Variants in ZNF778 observed in about 807,000 individuals in gnomAD.
ZNF778 encodes zinc finger protein 778.
A neutral mutation model predicts 23.9 loss-of-function variants in ZNF778; 37 were observed. That is an observed-to-expected ratio of 1.54 (90% confidence interval 1.19 to 2.03). The LOEUF is 2.03. ZNF778 is among the 30% of genes most tolerant of loss of function. ZNF778 has a pLI of 0.00. For synonymous variants in ZNF778, 483 were observed against 343.9 expected, an observed-to-expected ratio of 1.40 and a Z score of -4.48; for missense variants, 1,297 against 934.4, an observed-to-expected ratio of 1.39 and a Z score of -5.06.
chr16:89,220,154 A>G (rs13332037), intron 1 of ZNF778, among the ~76,000 whole-genome samples: 15,798 of 152,244 alleles, frequency 0.1, 1,133 homozygotes, highest in African/African-American at 0.2. Flanking sequence ...AGGTGACAAC[A>G]AAGTCAACAC....
chr16:89,227,449 C>G lies in ZNF778; in HGVS notation c.1161C>G (p.His387Gln), dbSNP rs1438963288. Residue 387 changes from histidine (H) to glutamine (Q), a missense_variant, in exon 7 of 7, where the codon CAC (histidine) becomes CAG (glutamine). Coordinates refer to ENST00000433976, the MANE Select transcript of ZNF778 (RefSeq NM_001201407.2). ...FYLLNEHGKT[H>Q]TREKPFACVV... ...TACTGAATGAGCATGGAAAAACTCA[C>G]ACGAGGGAGAAGCCCTTTGCATGTG... 6.2e-7 allele frequency: 1 copy of G among 1,613,902 alleles called. No individual in the cohort carries two copies. The highest frequency in any genetic ancestry group is 1.1e-5 in the South Asian group (1 of 91,078).
At chr16:89,225,367 C>G (rs2031380248) in intron 5 of ZNF778, among the ~76,000 whole-genome samples, 188 bp from the exon 6 acceptor site, 1 of 152,040 alleles carries the variant, frequency 6.6e-6, no homozygotes, top group Non-Finnish European at 1.5e-5. Flanking sequence ...CCTCACATTT[C>G]TTCTTTATGG....
At chr16:89,226,625 C>A in intron 6 of ZNF778, 69 bp from the exon 7 acceptor site, 1 of 1,385,462 alleles carries the variant, frequency 7.2e-7, no homozygotes, top group Non-Finnish European at 9.9e-7. Context: ...CATGCTCTGT[C>A]TTCAGCTGGG....
rs1567514238 is a variant in ZNF778 at position 89,232,783 on chromosome 16, G to C, written c.*4221G>C. On this transcript the variant is annotated 3_prime_UTR_variant, in exon 7 of 7. Coordinates refer to ENST00000433976, the MANE Select transcript of ZNF778 (RefSeq NM_001201407.2). ...CACTGCATATACAAATCAACTCACT[G>C]CATATGCACATCAACTCACTGCATA... 1 of 1,274,236 alleles carries C rather than the reference G, an allele frequency of 7.8e-7. No homozygotes were observed. The highest frequency in any genetic ancestry group is 1.2e-5 in the South Asian group (1 of 80,992). The allele number at this position is 1,274,236 out of a possible 1,614,324, so 78.9% of individuals were successfully genotyped here.
intron 3 of ZNF778, among the ~76,000 whole-genome samples, chr16:89,222,619 C>T (rs1437598239): frequency 6.6e-6 from 1 of 152,224 alleles, no homozygotes; most frequent in African/African-American, 2.4e-5. Context: ...CCGCTTTGGC[C>T]TCCCAAAGGG....
rs2032198839 is a variant in ZNF778 at position 89,235,038 on chromosome 16, C to T, written c.*6476C>T. Reference sequence around the variant, plus strand: ...ATATGCTGTACTATTTTGGCTTCCACAGTTTCTATGTTTTATCCCAAGTTG... The same window carrying T: ...ATATGCTGTACTATTTTGGCTTCCATAGTTTCTATGTTTTATCCCAAGTTG... On this transcript the variant is annotated 3_prime_UTR_variant, in exon 7 of 7. Coordinates refer to ENST00000433976, the MANE Select transcript of ZNF778 (RefSeq NM_001201407.2). The T allele has an allele frequency of 1.3e-5, 2 of 152,170 alleles. No homozygotes were observed. The highest frequency in any genetic ancestry group is 6.5e-5 in the Admixed American group (1 of 15,278). The allele number at this position is 152,170 out of a possible 1,614,324, so 9.4% of individuals were successfully genotyped here. A position where few individuals can be genotyped will look rare whatever the true frequency, so the allele number is the denominator to read the frequency against.
chr16:89,226,655 T>C, intron 6 of ZNF778, 39 bp from the exon 7 acceptor site: 3 of 1,544,890 alleles, frequency 1.9e-6, no homozygotes, highest in Non-Finnish European at 2.6e-6. Context: ...TGAATCAGCC[T>C]CAGTAACCCC....
In ZNF778 at chr16:89,228,300, A is replaced by C. The variant is rs780078991; in HGVS notation, c.2012A>C (p.Lys671Thr). 6.2e-7 allele frequency: 1 copy of C among 1,606,046 alleles called. No homozygotes were observed. The highest frequency in any genetic ancestry group is 1.1e-5 in the South Asian group (1 of 90,628). ...IEHRRTHTGEKPYICNECGKA... is the reference protein window; with the variant it reads ...IEHRRTHTGETPYICNECGKA... The stretch of plus-strand genomic sequence containing the variant: ...CACAGAAGGACTCACACAGGAGAGA[A>C]ACCTTACATATGTAACGAGTGTGGG... Residue 671 changes from lysine (K) to threonine (T), a missense_variant, in exon 7 of 7, where the codon AAA becomes ACA. Transcript: ENST00000433976.
At chr16:89,222,333 G>T (rs779599306) in intron 3 of ZNF778, 150 bp downstream of exon 3, 7 of 476,832 alleles carry the variant, frequency 1.5e-5, no homozygotes, top group South Asian at 4.7e-5. Context: ...GGCTGGTCAG[G>T]TGTTACTGTG....
chr16:89,222,353 C>T (rs1301269323), intron 3 of ZNF778, among the ~76,000 whole-genome samples, 170 bp downstream of exon 3: 1 of 152,138 alleles, frequency 6.6e-6, no homozygotes, highest in Non-Finnish European at 1.5e-5. Context: ...GAAAATCCTC[C>T]CCGTATTTCA....
Position 89,229,098 on chromosome 16 carries a change from G to A in ZNF778, c.*536G>A, listed in dbSNP as rs1298535228. Reference sequence around the variant, plus strand: ...TGATGCTGCACTGATCATTCTTGGAGTGAGGACTCTGTTCCCTGTAGAAAT... The same window carrying A: ...TGATGCTGCACTGATCATTCTTGGAATGAGGACTCTGTTCCCTGTAGAAAT... On this transcript the variant is annotated 3_prime_UTR_variant, in exon 7 of 7. Coordinates refer to ENST00000433976, the MANE Select transcript of ZNF778 (RefSeq NM_001201407.2). 1 of 986,532 alleles carries A rather than the reference G, an allele frequency of 1.0e-6. No homozygotes were observed. Among genetic ancestry groups the A allele is most frequent in the Non-Finnish European group, 1.2e-6 (1 of 830,736 alleles). 61.1% of individuals were successfully genotyped at this position (986,532 alleles called of 1,614,324 possible). A position where few individuals can be genotyped will look rare whatever the true frequency, so the allele number is the denominator to read the frequency against.
At position 89,232,508 on chromosome 16, in the gene ZNF778, T is replaced by G; in HGVS notation, c.*3946T>G. The G allele has an allele frequency of 3.1e-6, 2 of 637,104 alleles. No individual in the cohort carries two copies. Among genetic ancestry groups the G allele is most frequent in the Non-Finnish European group, 4.5e-6 (2 of 441,414 alleles). 39.5% of individuals were successfully genotyped at this position (637,104 alleles called of 1,614,324 possible). A position where few individuals can be genotyped will look rare whatever the true frequency, so the allele number is the denominator to read the frequency against. The stretch of plus-strand genomic sequence containing the variant: ...CTGGTTAGGCAGATACCTGTATTTC[T>G]CTTCCTAACTCTCAGAACGTGTTCT... On this transcript the variant is annotated 3_prime_UTR_variant, in exon 7 of 7. Transcript: ENST00000433976.
At position 89,233,842 on chromosome 16, in the gene ZNF778, G is replaced by C; in HGVS notation, c.*5280G>C. The C allele has an allele frequency of 1.6e-6, 2 of 1,289,964 alleles. No homozygotes were observed. Among genetic ancestry groups the C allele is most frequent in the Non-Finnish European group, 2.0e-6 (2 of 989,482 alleles). The allele number at this position is 1,289,964 out of a possible 1,614,324, so 79.9% of individuals were successfully genotyped here. A position where few individuals can be genotyped will look rare whatever the true frequency, so the allele number is the denominator to read the frequency against. On this transcript the variant is annotated 3_prime_UTR_variant, in exon 7 of 7. Coordinates refer to ENST00000433976, the MANE Select transcript of ZNF778 (RefSeq NM_001201407.2). ...TCAACTGTTGCAAGTACTTATTTCC[G>C]GCCACTTCCTTTTTCTAACTACCAC...
chr16:89,220,379 G>A (rs771062467), intron 1 of ZNF778, among the ~76,000 whole-genome samples: 6 of 152,218 alleles, frequency 3.9e-5, no homozygotes, highest in Middle Eastern at 3.4e-3. Flanking sequence ...AGACCGGGGC[G>A]GGGCACGGTG....
In ZNF778 at chr16:89,234,987, A is replaced by G. The variant is rs1439036582; in HGVS notation, c.*6425A>G. On this transcript the variant is annotated 3_prime_UTR_variant, in exon 7 of 7. Transcript: ENST00000433976. ...ACAACCTTTCCTTTATCTTCATCAG[A>G]AATTTCTTTTCTCCTAAGGCCTTAA... The G allele has an allele frequency of 6.6e-6, 1 of 152,152 alleles. No individual in the cohort carries two copies. Among genetic ancestry groups the G allele is most frequent in the African/African-American group, 2.4e-5 (1 of 41,426 alleles). 9.4% of individuals were successfully genotyped at this position (152,152 alleles called of 1,614,324 possible).
chr16:89,222,263 T>C (rs569936224), intron 3 of ZNF778, 80 bp downstream of exon 3: 1 of 1,121,386 alleles, frequency 8.9e-7, no homozygotes, highest in Non-Finnish European at 1.3e-6. Flanking sequence ...AGCAGACTTG[T>C]CTGCACAGCC....
In ZNF778 at chr16:89,229,151, C is replaced by T. The variant is rs78867772; in HGVS notation, c.*589C>T. 0.01 allele frequency: 10,330 copies of T among 986,014 alleles called. 302 individuals carry two copies. In the East Asian group the frequency reaches 0.21, roughly 20 times the overall value. 61.1% of individuals were successfully genotyped at this position (986,014 alleles called of 1,614,324 possible). ...TCCAGTCTGGTTGCTACAGTGTCCA[C>T]GTCGCAGCCTGGCTAACAGTAGGCC... On this transcript the variant is annotated 3_prime_UTR_variant, in exon 7 of 7. Transcript: ENST00000433976.
chr16:89,218,086 G>A (rs946719777), intron 1 of ZNF778, among the ~76,000 whole-genome samples, 176 bp downstream of exon 1: 8 of 152,238 alleles, frequency 5.3e-5, no homozygotes, highest in Non-Finnish European at 1.2e-4. Flanking sequence ...GCCCGTGGGG[G>A]CCAGCGGGAG....
rs2031306907 is a variant in ZNF778 at position 89,224,708 on chromosome 16, C to A, written c.245-11C>A. 6.5e-7 allele frequency: 1 copy of A among 1,532,784 alleles called. No individual in the cohort carries two copies. Among genetic ancestry groups the A allele is most frequent in the East Asian group, 2.5e-5 (1 of 40,794 alleles). 94.9% of individuals were successfully genotyped at this position (1,532,784 alleles called of 1,614,324 possible). ...AGCCTCTTCCATCGATGTCTCTTTC[C>A]CTGTGTACAGGACATCACCTGTTCC... is the stretch of plus-strand genomic sequence containing the variant. On this transcript the variant is annotated splice_polypyrimidine_tract_variant and intron_variant, in intron 4 of 6. Coordinates refer to ENST00000433976, the MANE Select transcript of ZNF778 (RefSeq NM_001201407.2).
Sources: allele counts gnomAD v4.1 joint callset (sites outside exome capture counted in the v4.1 genomes callset), GRCh38; gene constraint gnomAD v4.1.1; transcripts MANE v1.5; gene names NCBI Gene and HGNC (gene_info 2026-07-23, HGNC 2026-07-21).